CCDC171: variants seen among roughly 807,000 people sequenced by gnomAD.
CCDC171 encodes the protein coiled-coil domain containing 171.
In CCDC171, 177 loss-of-function variants were observed where a neutral mutation model predicts 168.2. That is an observed-to-expected ratio of 1.05 (90% CI 0.93 to 1.19). The LOEUF is 1.19. Among genes scored for constraint, CCDC171 ranks in the 50% most tolerant of loss-of-function variants. The pLI is 0.00. For synonymous variants in CCDC171, 687 were observed against 540.8 expected, an observed-to-expected ratio of 1.27 and a Z score of -3.75; for missense variants, 1,991 against 1,539.0, an observed-to-expected ratio of 1.29 and a Z score of -4.91.
intron 25 of CCDC171, among the ~76,000 whole-genome samples, chr9:15,966,681 A>T (rs1184913320): frequency 6.6e-6 from 1 of 152,110 alleles, no homozygotes; most frequent in African/African-American, 2.4e-5. Flanking sequence ...TCCTAATGCA[A>T]CTTCTTTGCA....
At position 15,954,502 on chromosome 9, in the gene CCDC171, A is replaced by G. The variant is rs570258030; in HGVS notation, c.3754-17107A>G. Among the ~76,000 whole-genome samples the G allele has an allele frequency of 2.6e-5, 4 of 151,780 alleles. No individual in the cohort carries two copies. The South Asian group carries it at 8.3e-4, about 32-fold the overall frequency. On this transcript the variant is annotated intron_variant, in intron 25 of 25. Coordinates refer to ENST00000380701, the MANE Select transcript of CCDC171 (RefSeq NM_173550.4). ...TGAACTTTACAGTTTTACTTCTGTT[A>G]TTGATGTTTAAGTACATTCTTTTCA...
intron 7 of CCDC171, among the ~76,000 whole-genome samples, chr9:15,627,007 C>G (rs1000930266): frequency 6.6e-6 from 1 of 152,120 alleles, no homozygotes; most frequent in Non-Finnish European, 1.5e-5. Flanking sequence ...TGTTATTGGT[C>G]TATTTTGGGA....
chr9:15,623,476 C>CGT (rs71325925), intron 7 of CCDC171, 63 bp downstream of exon 7: 1 of 344,282 alleles, frequency 2.9e-6, no homozygotes, highest in East Asian at 4.8e-5. Flanking sequence ...CGCGCGCGCG[C>CGT]ACACACACAC....
At chr9:15,671,145 A>T (rs564056403) in intron 9 of CCDC171, among the ~76,000 whole-genome samples, 2 of 152,300 alleles carry the variant, frequency 1.3e-5, no homozygotes, top group Admixed American at 1.3e-4. Context: ...AGAATAGTTA[A>T]TAATTGCCTC....
At chr9:15,949,064 A>G (rs1463745538) in intron 25 of CCDC171, among the ~76,000 whole-genome samples, 1 of 152,128 alleles carries the variant, frequency 6.6e-6, no homozygotes, top group African/African-American at 2.4e-5. Context: ...TCCCAGCACC[A>G]TTTATTAAAT....
intron 3 of CCDC171, among the ~76,000 whole-genome samples, chr9:15,995,345 A>G (rs1010210830): frequency 5.3e-5 from 8 of 152,236 alleles, no homozygotes; most frequent in African/African-American, 1.7e-4. Context: ...AGCTACTGGT[A>G]CAAAATGTTT....
the CCDC171 span, among the ~76,000 whole-genome samples, chr9:16,107,751 AT>A: frequency 6.6e-6 from 1 of 152,126 alleles, no homozygotes; most frequent in African/African-American, 2.4e-5. Flanking sequence ...GACAAAAAAA[AT>A]TTTAAACATT....
chr9:15,717,836 C>T (rs2053191609), intron 11 of CCDC171, among the ~76,000 whole-genome samples: 2 of 152,190 alleles, frequency 1.3e-5, no homozygotes. Context: ...GCAGCAATAC[C>T]CGTGTAGTAC....
chr9:15,842,713 GC>G (rs1236064485), intron 21 of CCDC171, among the ~76,000 whole-genome samples: 1 of 151,784 alleles, frequency 6.6e-6, no homozygotes, highest in African/African-American at 2.4e-5. Context: ...TCTCAATAAA[GC>G]TGTTATTTAA....
intron 25 of CCDC171, among the ~76,000 whole-genome samples, chr9:15,928,633 T>G (rs1352434287): frequency 8.1e-5 from 12 of 147,820 alleles, no homozygotes. Context: ...AGTGCTCATT[T>G]TACCCTTTGC....
rs1174222443 is a variant in CCDC171 at position 15,594,054 on chromosome 9, A to G, written c.557A>G (p.Lys186Arg). 6.3e-7 allele frequency: 1 copy of G among 1,588,596 alleles called. No homozygotes were observed. The highest frequency in any genetic ancestry group is 8.6e-7 in the Non-Finnish European group (1 of 1,166,854). Residue 186 changes from lysine to arginine, a missense_variant, in exon 6 of 26, where the codon AAA becomes AGA. Transcript: ENST00000380701. ...ATTTATATAAAGGAAGCGTTGGAAA[A>G]ACATCAACGGGAGAAGAATGAGATG... ...LEKTLQEALE[K>R]HQREKNEMES...
intron 21 of CCDC171, among the ~76,000 whole-genome samples, chr9:15,827,438 C>A (rs902391034): frequency 6.6e-6 from 1 of 152,206 alleles, no homozygotes; most frequent in Non-Finnish European, 1.5e-5. Flanking sequence ...CTCCTACATA[C>A]ACTCTAGGTT....
chr9:15,885,982 T>C (rs547248427), intron 24 of CCDC171: 1 of 152,212 alleles, frequency 6.6e-6, no homozygotes, highest in Non-Finnish European at 1.5e-5. Context: ...CTAAAAGTTA[T>C]TCCAACAGAG....
At chr9:16,040,275 A>G (rs1833551945), upstream of CCDC171, among the ~76,000 whole-genome samples, 1 of 151,872 alleles carries the variant, frequency 6.6e-6, no homozygotes, top group Non-Finnish European at 1.5e-5. Context: ...CCTTATCTTG[A>G]TCCCCCCACT....
At chr9:16,042,649 C>G (rs1833591226), upstream of CCDC171, 1 of 152,102 alleles carries the variant, frequency 6.6e-6, no homozygotes, top group South Asian at 2.1e-4. Flanking sequence ...TGAGTGCCAT[C>G]AAGAACTGTC....
At chr9:15,581,539 G>C (rs276446) in intron 4 of CCDC171, among the ~76,000 whole-genome samples, 1 of 152,042 alleles carries the variant, frequency 6.6e-6, no homozygotes, top group East Asian at 1.9e-4. Flanking sequence ...TATACTACAA[G>C]AATACAGTAA....
chr9:15,822,103 A>G (rs551834833), intron 21 of CCDC171, among the ~76,000 whole-genome samples: 1 of 152,212 alleles, frequency 6.6e-6, no homozygotes, highest in Non-Finnish European at 1.5e-5. Flanking sequence ...TATTTAATAA[A>G]TGGTGCTGGG....
At chr9:15,576,245 G>GTGA (rs2040653916) in intron 3 of CCDC171, among the ~76,000 whole-genome samples, 1 of 151,906 alleles carries the variant, frequency 6.6e-6, no homozygotes. Flanking sequence ...ATGCAGTGAT[G>GTGA]TGATCATTGC....
intron 3 of CCDC171, among the ~76,000 whole-genome samples, chr9:15,994,546 G>A (rs1365036309): frequency 6.6e-6 from 1 of 152,092 alleles, no homozygotes; most frequent in Non-Finnish European, 1.5e-5. Flanking sequence ...TAACAAACCT[G>A]CACATTGTGC....
Sources: gnomAD v4.1 joint callset for allele counts (sites outside exome capture counted in the v4.1 genomes callset) on GRCh38, gnomAD v4.1.1 for gene constraint, MANE v1.5 for transcripts, NCBI Gene and HGNC (gene_info 2026-07-23, HGNC 2026-07-21) for gene names.